Variants in ERBB4 observed in about 807,000 individuals in gnomAD.
The protein encoded by ERBB4 is erb-b2 receptor tyrosine kinase 4.
ERBB4 carries 42 observed loss-of-function variants against 158.0 expected under a neutral mutation model. That is an observed-to-expected ratio of 0.27 (90% CI 0.21 to 0.34). ERBB4 has a LOEUF of 0.34. ERBB4 is among the 10% of genes least tolerant of loss of function. The pLI is 1.00. For synonymous variants in ERBB4, 583 were observed against 558.7 expected (o/e 1.04, Z -0.61); for missense variants, 1,333 against 1,624.1 (o/e 0.82, Z 3.08).
At chr2:211,692,937 T>C (rs975553519) in intron 12 of ERBB4, among the ~76,000 whole-genome samples, 2 of 152,144 alleles carry the variant, frequency 1.3e-5, no homozygotes, top group African/African-American at 4.8e-5. Context: ...TATGACATTG[T>C]AAAAAATTAT....
intron 3 of ERBB4, among the ~76,000 whole-genome samples, chr2:211,872,045 A>T (rs530623379): frequency 6.6e-6 from 1 of 151,774 alleles, no homozygotes; most frequent in South Asian, 2.1e-4. Context: ...ATGAAGTCAG[A>T]CATACATTTC....
rs568111437 is a variant in ERBB4 at position 211,650,939 on chromosome 2, T to C, written c.1946+6815A>G. On this transcript the variant is annotated intron_variant, in intron 16 of 27. Coordinates refer to ENST00000342788, the MANE Select transcript of ERBB4 (RefSeq NM_005235.3). ...CTTTAACTGCACTGAAAGTGCTTAA[T>C]GGCCATACGTGACTAGTGGTTACCA... Among the ~76,000 whole-genome samples, 3 of 152,326 alleles carry C rather than the reference T, an allele frequency of 2.0e-5. No individual in the cohort carries two copies. The East Asian group carries it at 5.8e-4, about 29-fold the overall frequency.
chr2:211,788,724 T>C (rs1383384127), intron 3 of ERBB4, among the ~76,000 whole-genome samples: 4 of 152,170 alleles, frequency 2.6e-5, no homozygotes, highest in Admixed American at 6.6e-5. Context: ...AATTGTCATA[T>C]TATCCTTAGA....
rs543756743 is a variant in ERBB4, at chr2:211,421,912, T to C, written c.2964+95A>G. 124 of 786,944 alleles carry C rather than the reference T, an allele frequency of 1.6e-4. 1 individual carries two copies. Among genetic ancestry groups the C allele is most frequent in the Non-Finnish European group, 2.5e-4 (111 of 436,956 alleles). The allele number at this position is 786,944 out of a possible 1,614,324, so 48.7% of individuals were successfully genotyped here. A position where few individuals can be genotyped will look rare whatever the true frequency, so the allele number is the denominator to read the frequency against. On this transcript the variant is annotated intron_variant, in intron 24 of 27. Coordinates refer to ENST00000342788, the MANE Select transcript of ERBB4 (RefSeq NM_005235.3). ...TCTGCTTAATTAATCAACATGTTTG[T>C]GGTCCTTTCCACAGTTCCAAAGTCC...
At chr2:212,035,634 A>C (rs1249080357) in intron 2 of ERBB4, among the ~76,000 whole-genome samples, 1 of 152,198 alleles carries the variant, frequency 6.6e-6, no homozygotes, top group Non-Finnish European at 1.5e-5. Context: ...ATTAGACCAT[A>C]AAATCTTTGA....
At chr2:212,153,797 C>T (rs1468901913) in intron 1 of ERBB4, among the ~76,000 whole-genome samples, 2 of 152,110 alleles carry the variant, frequency 1.3e-5, no homozygotes, top group Non-Finnish European at 2.9e-5. Flanking sequence ...TTCATTCTAA[C>T]ATCATATAGG....
chr2:211,906,499 T>TAAG (rs2079396516), intron 3 of ERBB4, among the ~76,000 whole-genome samples: 1 of 151,998 alleles, frequency 6.6e-6, no homozygotes. Context: ...GAGTACGATC[T>TAAG]AAGTTTAAAA....
chr2:212,007,163 A>G (rs1262325881), intron 2 of ERBB4, among the ~76,000 whole-genome samples: 2 of 152,104 alleles, frequency 1.3e-5, no homozygotes, highest in Non-Finnish European at 1.5e-5. Context: ...AAAACCTTCA[A>G]TGAACAGAGA....
chr2:212,022,456 C>T (rs2076675648), intron 2 of ERBB4, among the ~76,000 whole-genome samples: 1 of 152,118 alleles, frequency 6.6e-6, no homozygotes, highest in African/African-American at 2.4e-5. Flanking sequence ...ACCACATGTT[C>T]TCACTTACAA....
chr2:211,555,908 C>A (rs2067224220), intron 20 of ERBB4, among the ~76,000 whole-genome samples: 1 of 152,158 alleles, frequency 6.6e-6, no homozygotes, highest in Admixed American at 6.6e-5. Flanking sequence ...AGCAACCACA[C>A]AAACAAGTCT....
At chr2:211,778,316 T>C (rs575471110) in intron 4 of ERBB4, 3 of 152,294 alleles carry the variant, frequency 2.0e-5, no homozygotes, top group Non-Finnish European at 2.9e-5. Flanking sequence ...ATCGGAACAC[T>C]GTACCTGTTA....
At chr2:211,499,115 CATTCCTCCTCATACTCAAT>C (rs1434733418) in intron 20 of ERBB4, among the ~76,000 whole-genome samples, 5 of 152,122 alleles carry the variant, frequency 3.3e-5, no homozygotes, top group Non-Finnish European at 5.9e-5. Context: ...ACACACTCAT[CATTCCTCCTCATACTCAAT>C]ATTCCTCCCT....
intron 25 of ERBB4, among the ~76,000 whole-genome samples, chr2:211,391,734 T>TTGTCTC (rs2062803591): frequency 6.6e-6 from 1 of 152,218 alleles, no homozygotes; most frequent in Non-Finnish European, 1.5e-5. Context: ...TGATAAATAT[T>TTGTCTC]AGAACCTTTG....
At chr2:211,828,757 C>A (rs1299281810) in intron 3 of ERBB4, among the ~76,000 whole-genome samples, 1 of 152,084 alleles carries the variant, frequency 6.6e-6, no homozygotes, top group Non-Finnish European at 1.5e-5. Context: ...CCACGGTCTA[C>A]ATCTAGAGTC....
At chr2:211,649,269 G>T (rs2070893705) in intron 16 of ERBB4, among the ~76,000 whole-genome samples, 1 of 151,676 alleles carries the variant, frequency 6.6e-6, no homozygotes, top group Non-Finnish European at 1.5e-5. Flanking sequence ...TTTATGAATG[G>T]CAATAGTGAC....
intron 2 of ERBB4, among the ~76,000 whole-genome samples, chr2:212,069,377 T>TA (rs2125442184): frequency 6.6e-6 from 1 of 152,096 alleles, no homozygotes; most frequent in African/African-American, 2.4e-5. Context: ...AACATCATTA[T>TA]AAAAAAATTA....
intron 2 of ERBB4, among the ~76,000 whole-genome samples, chr2:212,055,848 G>A (rs1272322975): frequency 6.6e-5 from 10 of 152,200 alleles, no homozygotes; most frequent in East Asian, 3.9e-4. Context: ...GACAAAAGCC[G>A]AAAATTCTAA....
At position 212,256,677 on chromosome 2, in the gene ERBB4, G is replaced by T. The variant is rs190573406; in HGVS notation, c.83-131774C>A. On this transcript the variant is annotated intron_variant, in intron 1 of 27. Transcript: ENST00000342788. ...AATTATAGGTAAAACAAACACAGAG[G>T]ATAAGTCAGTAGCCTCGCATCTCTG... 1.4e-3 allele frequency among the ~76,000 whole-genome samples: 217 copies of T among 152,212 alleles called. 1 individual carries two copies. The highest frequency in any genetic ancestry group is 4.8e-3 in the African/African-American group (201 of 41,540).
intron 1 of ERBB4, among the ~76,000 whole-genome samples, chr2:212,481,610 A>G (rs745971639): frequency 2.0e-5 from 3 of 152,200 alleles, no homozygotes; most frequent in Non-Finnish European, 4.4e-5. Flanking sequence ...CGCTAAAACA[A>G]CAATATATTT....
Sources: gnomAD v4.1 joint callset for allele counts (sites outside exome capture counted in the v4.1 genomes callset) on GRCh38, gnomAD v4.1.1 for gene constraint, MANE v1.5 for transcripts, NCBI Gene and HGNC (gene_info 2026-07-23, HGNC 2026-07-21) for gene names.